RCL1: variants seen among roughly 807,000 people sequenced by gnomAD.
The protein encoded by RCL1 is RNA terminal phosphate cyclase like 1.
RCL1 carries 24 observed loss-of-function variants against 42.4 expected under a neutral mutation model. That is an observed-to-expected ratio of 0.57 (90% CI 0.41 to 0.80). The LOEUF is 0.80. Ranked by LOEUF, RCL1 falls within the 30% of genes least tolerant of loss-of-function variation. The pLI is 0.00. For synonymous variants in RCL1, 228 were observed against 177.3 expected, an observed-to-expected ratio of 1.29 and a Z score of -2.27; for missense variants, 578 against 467.9, an observed-to-expected ratio of 1.24 and a Z score of -2.17.
At chr9:4,841,399 C>G (rs929500763) in intron 6 of RCL1, 42 bp downstream of exon 6, 10 of 1,532,408 alleles carry the variant, frequency 6.5e-6, no homozygotes, top group African/African-American at 4.1e-5. Flanking sequence ...GCAGCTTTTT[C>G]ACATGCCTGT....
At chr9:4,799,693 T>C (rs1736672998) in intron 1 of RCL1, among the ~76,000 whole-genome samples, 1 of 152,100 alleles carries the variant, frequency 6.6e-6, no homozygotes, top group South Asian at 2.1e-4. Context: ...TCTTAAATTT[T>C]ATATTATAAA....
intron 5 of RCL1, among the ~76,000 whole-genome samples, 177 bp downstream of exon 5, chr9:4,834,442 C>T (rs2131014971): frequency 6.6e-6 from 1 of 151,316 alleles, no homozygotes; most frequent in South Asian, 2.1e-4. Flanking sequence ...TGTTATCTGC[C>T]TCACCATGAC....
At chr9:4,822,436 C>G (rs1174898882) in intron 1 of RCL1, among the ~76,000 whole-genome samples, 2 of 152,178 alleles carry the variant, frequency 1.3e-5, no homozygotes, top group African/African-American at 2.4e-5. Context: ...GGAGTCTTCA[C>G]TTCTCCTCCC....
At chr9:4,815,985 C>A (rs1399444331) in intron 1 of RCL1, among the ~76,000 whole-genome samples, 1 of 152,114 alleles carries the variant, frequency 6.6e-6, no homozygotes, top group African/African-American at 2.4e-5. Flanking sequence ...CTGTGGTCAT[C>A]TCGAGTTTCT....
intron 3 of RCL1, among the ~76,000 whole-genome samples, chr9:4,831,268 G>C (rs1002134579): frequency 4.6e-5 from 7 of 150,788 alleles, no homozygotes; most frequent in African/African-American, 1.7e-4. Context: ...TGTGACTCAA[G>C]GTATAGGAAG....
intron 1 of RCL1, among the ~76,000 whole-genome samples, chr9:4,805,677 T>A (rs372935349): frequency 1.3e-5 from 2 of 151,926 alleles, no homozygotes; most frequent in African/African-American, 2.4e-5. Flanking sequence ...CTGGCAGTGG[T>A]GGGTGTAGCT....
At chr9:4,839,230 G>T (rs1281500469) in intron 5 of RCL1, among the ~76,000 whole-genome samples, 1 of 152,176 alleles carries the variant, frequency 6.6e-6, no homozygotes, top group Non-Finnish European at 1.5e-5. Context: ...GGATTCTGTA[G>T]GCCCTGAATT....
intron 1 of RCL1, among the ~76,000 whole-genome samples, chr9:4,805,319 TTC>T (rs1396269333): frequency 6.6e-6 from 1 of 151,652 alleles, no homozygotes; most frequent in African/African-American, 2.4e-5. Context: ...AGCCTAGGAG[TTC>T]CAGGTTACAG....
At chr9:4,793,323 C>T (rs956937862) in intron 1 of RCL1, 96 bp downstream of exon 1, 3 of 1,291,138 alleles carry the variant, frequency 2.3e-6, no homozygotes, top group South Asian at 1.7e-5. Flanking sequence ...TTGGGCGGCT[C>T]GGCGTCCGGC....
chr9:4,825,812 A>T (rs1816740962), intron 2 of RCL1, among the ~76,000 whole-genome samples: 1 of 151,914 alleles, frequency 6.6e-6, no homozygotes, highest in Middle Eastern at 3.2e-3. Flanking sequence ...ATGAGATGGG[A>T]GTAAGAAGCT....
intron 3 of RCL1, among the ~76,000 whole-genome samples, chr9:4,830,205 A>G (rs1381531458): frequency 6.6e-6 from 1 of 152,234 alleles, no homozygotes; most frequent in Non-Finnish European, 1.5e-5. Flanking sequence ...ATTGGAGTAT[A>G]AGGACAGGAA....
chr9:4,847,752 G>T (rs1213276465), intron 7 of RCL1, among the ~76,000 whole-genome samples: 2 of 152,200 alleles, frequency 1.3e-5, no homozygotes, highest in African/African-American at 4.8e-5. Flanking sequence ...CCTTAATTGG[G>T]CTACCCACCT....
rs1413256853 is a variant in RCL1, at chr9:4,859,223, G to A, written c.972-902G>A. 1.3e-5 allele frequency among the ~76,000 whole-genome samples: 2 copies of A among 152,306 alleles called. 1 individual carries two copies. Among genetic ancestry groups the A allele is most frequent in the East Asian group, 3.9e-4 (2 of 5,186 alleles). ...ACTCTTGGACTGATGCCATCGCCCT[G>A]TGATGCCATTGTCCTTGTTGTGTTT... On this transcript the variant is annotated intron_variant, in intron 8 of 8. Coordinates refer to ENST00000381750, the MANE Select transcript of RCL1 (RefSeq NM_005772.5).
chr9:4,815,438 C>T (rs1423600453), intron 1 of RCL1, among the ~76,000 whole-genome samples: 1 of 124,130 alleles, frequency 8.1e-6, no homozygotes, highest in Non-Finnish European at 1.7e-5. Flanking sequence ...TCTTAAGCTG[C>T]AGTATTTTTC....
chr9:4,852,538 G>A lies in RCL1; in HGVS notation c.971+2988G>A, dbSNP rs142898439. Among the ~76,000 whole-genome samples the A allele has an allele frequency of 3.2e-3, 490 of 152,294 alleles. 8 individuals are homozygous for A. The highest frequency in any genetic ancestry group is 0.03 in the Admixed American group (454 of 15,290). On this transcript the variant is annotated intron_variant, in intron 8 of 8. Coordinates refer to ENST00000381750, the MANE Select transcript of RCL1 (RefSeq NM_005772.5). ...ATCTGGACTTAAGGCTCTACCACGC[G>A]CTACCAGGAGACCGTGGAAATGGTA... is the stretch of plus-strand genomic sequence containing the variant.
intron 3 of RCL1, chr9:4,827,353 T>G: frequency 9.7e-7 from 1 of 1,036,002 alleles, no homozygotes; most frequent in Non-Finnish European, 1.3e-6. Context: ...AGTGGAGTTT[T>G]TGTAAGATCC....
chr9:4,828,361 A>C (rs6476913), intron 3 of RCL1, among the ~76,000 whole-genome samples: 1 of 152,100 alleles, frequency 6.6e-6, no homozygotes, highest in African/African-American at 2.4e-5. Context: ...GCTGGTATTC[A>C]TCAAGATACC....
chr9:4,835,173 G>A (rs692725), intron 5 of RCL1, among the ~76,000 whole-genome samples: 137,284 of 152,248 alleles, frequency 0.9, 62,108 homozygotes, highest in East Asian at 1. Flanking sequence ...GACAGGCAGG[G>A]GCCAGTGAAG....
At chr9:4,802,171 C>T (rs1490825507) in intron 1 of RCL1, among the ~76,000 whole-genome samples, 3 of 151,164 alleles carry the variant, frequency 2.0e-5, no homozygotes, top group South Asian at 2.1e-4. Flanking sequence ...GTAATCCACC[C>T]GCCTTGGGCT....
Sources: allele counts gnomAD v4.1 joint callset (sites outside exome capture counted in the v4.1 genomes callset), GRCh38; gene constraint gnomAD v4.1.1; transcripts MANE v1.5; gene names NCBI Gene and HGNC (gene_info 2026-07-23, HGNC 2026-07-21).